The following MDGA2 variants were observed in gnomAD, a reference collection of about 807,000 sequenced individuals.
MDGA2 encodes the protein MAM domain containing glycosylphosphatidylinositol anchor 2.
In MDGA2, 40 loss-of-function variants were observed where a neutral mutation model predicts 117.8. That is an observed-to-expected ratio of 0.34 (90% CI 0.26 to 0.44). The LOEUF is 0.44. Ranked by LOEUF, MDGA2 falls within the 20% of genes least tolerant of loss-of-function variation. MDGA2 has a pLI of 1.00. For missense variants in MDGA2, 1,123 were observed against 1,250.6 expected (o/e 0.90, Z 1.54); for synonymous variants, 452 against 439.0 (o/e 1.03, Z -0.37).
intron 3 of MDGA2, among the ~76,000 whole-genome samples, chr14:47,151,425 A>C (rs954839823): frequency 6.6e-6 from 1 of 152,220 alleles, no homozygotes; most frequent in African/African-American, 2.4e-5. Context: ...GAGTTTTATG[A>C]TAAGGACTTG....
At chr14:47,087,273 G>C (rs1890934705) in intron 6 of MDGA2, among the ~76,000 whole-genome samples, 1 of 151,766 alleles carries the variant, frequency 6.6e-6, no homozygotes, top group Non-Finnish European at 1.5e-5. Flanking sequence ...CCAGCACTTT[G>C]GGAGGCCTAG....
chr14:47,047,394 C>T (rs1178310036), intron 7 of MDGA2, among the ~76,000 whole-genome samples: 1 of 152,018 alleles, frequency 6.6e-6, no homozygotes. Context: ...AAAAATGGCA[C>T]AATGCTCATG....
At chr14:47,529,129 G>C (rs535268430) in intron 1 of MDGA2, among the ~76,000 whole-genome samples, 15 of 151,908 alleles carry the variant, frequency 9.9e-5, no homozygotes, top group Non-Finnish European at 1.6e-4. Flanking sequence ...CTCCTGAGTA[G>C]CTGGGACTAC....
chr14:47,602,092 G>A (rs529386851), intron 1 of MDGA2, among the ~76,000 whole-genome samples: 6 of 152,244 alleles, frequency 3.9e-5, no homozygotes, highest in Non-Finnish European at 5.9e-5. Flanking sequence ...CTCCTCTCGG[G>A]ACTGAAAACT....
chr14:47,618,668 T>C (rs946177888), intron 1 of MDGA2, among the ~76,000 whole-genome samples: 1 of 152,244 alleles, frequency 6.6e-6, no homozygotes, highest in African/African-American at 2.4e-5. Context: ...TTTTCTACAA[T>C]GTCTATTCTA....
intron 10 of MDGA2, among the ~76,000 whole-genome samples, chr14:46,912,692 T>A (rs1414754759): frequency 6.6e-6 from 1 of 152,168 alleles, no homozygotes; most frequent in African/African-American, 2.4e-5. Context: ...GAATTAAATC[T>A]ATACAAAGGC....
intron 1 of MDGA2, among the ~76,000 whole-genome samples, chr14:47,664,482 A>G (rs1160301147): frequency 6.6e-6 from 1 of 152,186 alleles, no homozygotes; most frequent in Non-Finnish European, 1.5e-5. Context: ...TCTTGCTAAT[A>G]TCTACATTTC....
intron 8 of MDGA2, among the ~76,000 whole-genome samples, chr14:47,031,066 GAGTA>G (rs1301058488): frequency 1.3e-5 from 2 of 152,050 alleles, no homozygotes; most frequent in Admixed American, 6.6e-5. Context: ...TAATTAGTGA[GAGTA>G]AGTAATTCAA....
chr14:47,300,505 T>C (rs1185049244), intron 2 of MDGA2, among the ~76,000 whole-genome samples: 2 of 151,994 alleles, frequency 1.3e-5, no homozygotes, highest in Non-Finnish European at 2.9e-5. Flanking sequence ...CTGTTGTTTG[T>C]TTGAGAAAGG....
At chr14:47,343,243 ATTATC>A in intron 1 of MDGA2, 1 of 1,147,624 alleles carries the variant, frequency 8.7e-7, no homozygotes, top group Non-Finnish European at 1.1e-6. Context: ...TTCAGGAACG[ATTATC>A]GAATTCCGGG....
chr14:47,423,503 A>C (rs1157461184), intron 1 of MDGA2, among the ~76,000 whole-genome samples: 1 of 152,154 alleles, frequency 6.6e-6, no homozygotes, highest in African/African-American at 2.4e-5. Context: ...CCCAGATGAC[A>C]CAGCTACTAA....
chr14:47,079,481 T>C (rs1241631413), intron 6 of MDGA2, among the ~76,000 whole-genome samples: 1 of 152,122 alleles, frequency 6.6e-6, no homozygotes, highest in African/African-American at 2.4e-5. Flanking sequence ...TGAAATAATA[T>C]TGGGATGCAG....
chr14:46,997,274 T>G (rs1887329679), intron 8 of MDGA2: 1 of 152,844 alleles, frequency 6.5e-6, no homozygotes, highest in Admixed American at 6.5e-5. Context: ...TTTGGCCAGT[T>G]GACTTCTAAG....
chr14:46,922,045 A>C (rs574736188), intron 9 of MDGA2, among the ~76,000 whole-genome samples: 1 of 152,310 alleles, frequency 6.6e-6, no homozygotes, highest in African/African-American at 2.4e-5. Context: ...TCATTCAAAG[A>C]GAATCAAGAA....
At chr14:47,382,855 T>C (rs923511221) in intron 1 of MDGA2, among the ~76,000 whole-genome samples, 3 of 152,188 alleles carry the variant, frequency 2.0e-5, no homozygotes, top group Admixed American at 6.5e-5. Flanking sequence ...TATTACTGGG[T>C]ACATACCCAA....
chr14:47,267,434 T>G (rs185842360), intron 2 of MDGA2, among the ~76,000 whole-genome samples: 1 of 152,186 alleles, frequency 6.6e-6, no homozygotes, highest in Non-Finnish European at 1.5e-5. Context: ...ATTTGACTCA[T>G]TGATTTAATT....
chr14:46,973,601 A>G (rs1424134174), intron 8 of MDGA2, among the ~76,000 whole-genome samples: 1 of 152,160 alleles, frequency 6.6e-6, no homozygotes, highest in African/African-American at 2.4e-5. Context: ...GGAGATTTAG[A>G]ATATATGCAT....
intron 2 of MDGA2, among the ~76,000 whole-genome samples, chr14:47,233,522 T>C (rs544747514): frequency 6.6e-6 from 1 of 152,248 alleles, no homozygotes; most frequent in Admixed American, 6.5e-5. Flanking sequence ...GTTGTCATTT[T>C]CTTAAGGATA....
rs186061143 is a variant in MDGA2 at position 47,270,262 on chromosome 14, C to G, written c.420+31149G>C. On this transcript the variant is annotated intron_variant, in intron 2 of 16. Transcript: ENST00000399232. ...GGTAATGTGATTTTTTTTCTACCTACTTTCCAGAGTACCAGAATTTTCTAC... is the reference window on the plus strand; with the variant it reads ...GGTAATGTGATTTTTTTTCTACCTAGTTTCCAGAGTACCAGAATTTTCTAC... 2.0e-3 allele frequency among the ~76,000 whole-genome samples: 297 copies of G among 152,208 alleles called. 3 individuals are homozygous for G. Among genetic ancestry groups the G allele is most frequent in the African/African-American group, 6.8e-3 (284 of 41,540 alleles).
Sources: gnomAD v4.1 joint callset for allele counts (sites outside exome capture counted in the v4.1 genomes callset) on GRCh38, gnomAD v4.1.1 for gene constraint, MANE v1.5 for transcripts, NCBI Gene and HGNC (gene_info 2026-07-23, HGNC 2026-07-21) for gene names.